Variants in SMAD6 observed in about 807,000 individuals in gnomAD.
SMAD6 encodes MAD homolog 6.
In SMAD6, 103 loss-of-function variants were observed where a neutral mutation model predicts 39.4. That is an observed-to-expected ratio of 2.62 (90% CI 2.23 to 3.08). The LOEUF (loss-of-function observed/expected upper bound fraction) is 3.08, where lower values mean the gene tolerates loss of function less well. Among genes scored for constraint, SMAD6 ranks in the 30% most tolerant of loss-of-function variants. SMAD6 has a pLI of 0.00. For synonymous variants in SMAD6, 445 were observed against 353.3 expected (o/e 1.26, Z -2.91); for missense variants, 1,104 against 742.9 (o/e 1.49, Z -5.65).
rs1209448805 is a variant in SMAD6 at position 66,704,093 on chromosome 15, G to A, written c.817+18G>A. Reference sequence around the variant, plus strand: ...CGGGCCCGGTGAGCGCGCTGCGCCGGCCGGGGGGGCCCCGGGTCCCCGTCC... The same window carrying A: ...CGGGCCCGGTGAGCGCGCTGCGCCGACCGGGGGGGCCCCGGGTCCCCGTCC... On this transcript the variant is annotated intron_variant, in intron 1 of 3. Transcript: ENST00000288840. 1 of 1,431,962 alleles carries A rather than the reference G, an allele frequency of 7.0e-7. No homozygotes were observed. Among genetic ancestry groups the A allele is most frequent in the Non-Finnish European group, 9.1e-7 (1 of 1,100,030 alleles). The allele number at this position is 1,431,962 out of a possible 1,614,324, so 88.7% of individuals were successfully genotyped here. A position where few individuals can be genotyped will look rare whatever the true frequency, so the allele number is the denominator to read the frequency against.
intron 3 of SMAD6, among the ~76,000 whole-genome samples, chr15:66,734,926 C>T (rs937167609): frequency 3.3e-5 from 5 of 152,236 alleles, no homozygotes; most frequent in African/African-American, 4.8e-5. Flanking sequence ...TGCCTCCTGC[C>T]GTAGCAGGTT....
intron 3 of SMAD6, among the ~76,000 whole-genome samples, chr15:66,732,774 G>C (rs896273522): frequency 1.3e-5 from 2 of 152,068 alleles, no homozygotes; most frequent in Non-Finnish European, 2.9e-5. Flanking sequence ...TTTCCTCTCA[G>C]TCTGTGTCTT....
chr15:66,734,822 T>C (rs1423164253), intron 3 of SMAD6, among the ~76,000 whole-genome samples: 1 of 152,236 alleles, frequency 6.6e-6, no homozygotes, highest in Non-Finnish European at 1.5e-5. Context: ...GCCACTGAAC[T>C]ATGCACATTA....
intron 3 of SMAD6, among the ~76,000 whole-genome samples, chr15:66,758,517 C>T (rs1031629765): frequency 6.6e-6 from 1 of 152,164 alleles, no homozygotes; most frequent in Non-Finnish European, 1.5e-5. Flanking sequence ...CATCTGAGGT[C>T]AGGAGTTTGA....
chr15:66,703,366 TG>T lies in SMAD6; in HGVS notation c.111del (p.Ser38AlafsTer26). On this transcript the variant is annotated frameshift_variant, in exon 1 of 4. Transcript: ENST00000288840. LOFTEE classifies it high-confidence loss of function. ...SGGGGGGDEDGSLGSRAEPAP... is the reference protein window; with the variant it reads ...SGGGGGGDEDXSLGSRAEPAP... ...GCGGCGGCGGTGGCGGCGACGAGGA[TG>T]GGAGCTTGGGCAGCCGAGCTGAGCC... The T allele has an allele frequency of 6.8e-7, 1 of 1,470,912 alleles. No homozygotes were observed. The highest frequency in any genetic ancestry group is 3.0e-5 in the East Asian group (1 of 33,290). The allele number at this position is 1,470,912 out of a possible 1,614,324, so 91.1% of individuals were successfully genotyped here. A position where few individuals can be genotyped will look rare whatever the true frequency, so the allele number is the denominator to read the frequency against.
chr15:66,739,097 T>C (rs923866636), intron 3 of SMAD6, among the ~76,000 whole-genome samples: 23 of 150,624 alleles, frequency 1.5e-4, no homozygotes, highest in African/African-American at 5.4e-4. Flanking sequence ...TTCTTTTTTT[T>C]TTTTTTTTAT....
chr15:66,763,775 T>G (rs1276751278), intron 3 of SMAD6, among the ~76,000 whole-genome samples: 2 of 152,238 alleles, frequency 1.3e-5, no homozygotes, highest in Non-Finnish European at 1.5e-5. Context: ...AGTTAACGCC[T>G]GAGGGGTTCC....
intron 3 of SMAD6, among the ~76,000 whole-genome samples, chr15:66,743,037 C>T (rs1490698566): frequency 6.6e-6 from 1 of 152,168 alleles, no homozygotes; most frequent in African/African-American, 2.4e-5. Context: ...GTTTCCCCCT[C>T]TGTCAAATAA....
intron 3 of SMAD6, among the ~76,000 whole-genome samples, chr15:66,719,463 A>C (rs1270046094): frequency 1.3e-5 from 2 of 151,576 alleles, no homozygotes; most frequent in East Asian, 3.9e-4. Context: ...CTGGCCTTCC[A>C]TCTCCCGGAG....
Position 66,781,656 on chromosome 15 carries a change from C to T in SMAD6, c.*121C>T, listed in dbSNP as rs1894581918. 1.8e-6 allele frequency: 1 copy of T among 553,128 alleles called. No homozygotes were observed. The highest frequency in any genetic ancestry group is 3.2e-5 in the East Asian group (1 of 31,644). The allele number at this position is 553,128 out of a possible 1,614,324, so 34.3% of individuals were successfully genotyped here. A position where few individuals can be genotyped will look rare whatever the true frequency, so the allele number is the denominator to read the frequency against. ...ACAAAACCCCCCAGATATCATCTAC[C>T]TAGATTTAATATAAAGTTTTATATA... On this transcript the variant is annotated 3_prime_UTR_variant, in exon 4 of 4. Transcript: ENST00000288840.
At chr15:66,704,240 G>A in intron 1 of SMAD6, 165 bp downstream of exon 1, 1 of 444,602 alleles carries the variant, frequency 2.2e-6, no homozygotes, top group Middle Eastern at 6.0e-4. Flanking sequence ...GCCGAGGGGA[G>A]TGGGTGTCCC....
intron 3 of SMAD6, among the ~76,000 whole-genome samples, chr15:66,732,859 C>T (rs1435736363): frequency 1.3e-5 from 2 of 151,796 alleles, no homozygotes; most frequent in Admixed American, 1.3e-4. Flanking sequence ...TCTTTTCATG[C>T]TTTTTATGTC....
intron 3 of SMAD6, among the ~76,000 whole-genome samples, chr15:66,718,036 A>G (rs553836938): frequency 1.3e-5 from 2 of 151,082 alleles, no homozygotes; most frequent in South Asian, 4.2e-4. Flanking sequence ...GATGGATTCC[A>G]TTGGCGTTGG....
chr15:66,717,041 C>T lies in SMAD6; in HGVS notation c.952+543C>T, dbSNP rs369502735. 7.0e-6 allele frequency: 9 copies of T among 1,289,266 alleles called. No homozygotes were observed. The East Asian group carries it at 1.7e-4, about 24-fold the overall frequency. The allele number at this position is 1,289,266 out of a possible 1,614,324, so 79.9% of individuals were successfully genotyped here. On this transcript the variant is annotated intron_variant, in intron 3 of 3. Transcript: ENST00000288840. The stretch of plus-strand genomic sequence containing the variant: ...TGCTGGGATAGGAAGCCGAGGGAAC[C>T]GTGGTTTGGAGTCCTCTGTCCCCTG...
chr15:66,775,498 G>T (rs768537186), intron 3 of SMAD6, among the ~76,000 whole-genome samples: 9 of 152,130 alleles, frequency 5.9e-5, no homozygotes, highest in Admixed American at 6.5e-5. Context: ...TCATTGTTCG[G>T]ATGGGAAGAC....
intron 3 of SMAD6, among the ~76,000 whole-genome samples, chr15:66,731,235 G>C (rs934729244): frequency 6.6e-6 from 1 of 151,704 alleles, no homozygotes; most frequent in Non-Finnish European, 1.5e-5. Flanking sequence ...TCAGGAGATC[G>C]AGACCACCCC....
At position 66,717,138 on chromosome 15, in the gene SMAD6, G is replaced by C. The variant is rs367956790; in HGVS notation, c.952+640G>C. ...GAATCAAACTTTCCTTGAGAAATGA[G>C]AGGTTGGTGTTGGACTGGGGACATC... On this transcript the variant is annotated intron_variant, in intron 3 of 3. Transcript: ENST00000288840. 5.1e-5 allele frequency: 66 copies of C among 1,288,216 alleles called. 2 individuals carry two copies. The African/African-American group carries it at 8.9e-4, about 17-fold the overall frequency. The allele number at this position is 1,288,216 out of a possible 1,614,324, so 79.8% of individuals were successfully genotyped here.
At chr15:66,768,300 A>G (rs1894324999) in intron 3 of SMAD6, among the ~76,000 whole-genome samples, 2 of 152,054 alleles carry the variant, frequency 1.3e-5, no homozygotes, top group Non-Finnish European at 2.9e-5. Flanking sequence ...CGAGGCAGGT[A>G]TATTTGATTT....
At chr15:66,719,977 G>T (rs1020871929) in intron 3 of SMAD6, among the ~76,000 whole-genome samples, 39 of 152,188 alleles carry the variant, frequency 2.6e-4, no homozygotes, top group African/African-American at 9.4e-4. Context: ...TACACCTGGA[G>T]TCTTTGATGG....
Sources: allele counts gnomAD v4.1 joint callset (sites outside exome capture counted in the v4.1 genomes callset), GRCh38; gene constraint gnomAD v4.1.1; transcripts MANE v1.5; gene names NCBI Gene and HGNC (gene_info 2026-07-23, HGNC 2026-07-21).